Variants in PCDH15 observed in about 807,000 individuals in gnomAD.
PCDH15 encodes the protein protocadherin-15.
Under a neutral mutation model 178.5 loss-of-function variants are expected in PCDH15, and 129 were observed. The ratio of observed to expected loss-of-function variants is 0.72; its 90% CI spans 0.63 to 0.84. The LOEUF (loss-of-function observed/expected upper bound fraction) is 0.84. PCDH15 is among the 40% of genes least tolerant of loss of function. The probability of loss-of-function intolerance (pLI) is 0.00; values close to 1 mark genes in which losing one functional copy is unlikely to be tolerated. For synonymous variants in PCDH15, 800 were observed against 732.0 expected, an observed-to-expected ratio of 1.09 and a Z score of -1.50; for missense variants, 2,230 against 2,099.9, an observed-to-expected ratio of 1.06 and a Z score of -1.21.
chr10:53,901,783 T>C lies in PCDH15; in HGVS notation c.3501+1460A>G, dbSNP rs926163828. Among the ~76,000 whole-genome samples the C allele has an allele frequency of 3.9e-5, 6 of 152,322 alleles. No individual in the cohort carries two copies. In the South Asian group the frequency reaches 1.0e-3, roughly 26 times the overall value. ...TGCTGCTCACTTAAGAATCCATGTC[T>C]TGATCTTTTCCTTTATTCAGGTCAC... On this transcript the variant is annotated intron_variant, in intron 26 of 37. Coordinates refer to ENST00000644397, the MANE Select transcript of PCDH15 (RefSeq NM_001384140.1).
At chr10:54,954,214 C>A (rs1436478553) in intron 2 of PCDH15, among the ~76,000 whole-genome samples, 11 of 151,298 alleles carry the variant, frequency 7.3e-5, no homozygotes, top group Admixed American at 5.9e-4. Flanking sequence ...AATCTCTTGT[C>A]TCCTAAATTA....
rs758547490 is a variant in PCDH15, at chr10:53,822,644, A to G, written c.4368-2414T>C. ...AAGGAGAAAGTTCCAAGGAACACTC[A>G]GCAGGAGAACTGATGACATTAGGTT... On this transcript the variant is annotated intron_variant, in intron 32 of 37. Coordinates refer to ENST00000644397, the MANE Select transcript of PCDH15 (RefSeq NM_001384140.1). 6.2e-7 allele frequency: 1 copy of G among 1,614,146 alleles called. No homozygotes were observed. The highest frequency in any genetic ancestry group is 2.2e-5 in the East Asian group (1 of 44,870).
intron 1 of PCDH15, among the ~76,000 whole-genome samples, chr10:54,696,800 C>T (rs1016997757): frequency 6.6e-6 from 1 of 152,096 alleles, no homozygotes; most frequent in Non-Finnish European, 1.5e-5. Flanking sequence ...ACTTCCATAG[C>T]TATCCTGAAA....
chr10:54,267,539 CAA>C (rs1491467695), intron 8 of PCDH15, among the ~76,000 whole-genome samples: 1 of 151,008 alleles, frequency 6.6e-6, no homozygotes, highest in African/African-American at 2.4e-5. Flanking sequence ...TGATTCTGAC[CAA>C]AGACGCCTAA....
chr10:55,191,026 G>A (rs574298345), intron 1 of PCDH15, among the ~76,000 whole-genome samples: 1 of 151,596 alleles, frequency 6.6e-6, no homozygotes, highest in South Asian at 2.1e-4. Context: ...AAAATATTTG[G>A]GGTTTTTTAA....
At chr10:55,598,698 T>C (rs1371149313) in intron 2 of PCDH15, among the ~76,000 whole-genome samples, 1 of 151,692 alleles carries the variant, frequency 6.6e-6, no homozygotes, top group African/African-American at 2.4e-5. Context: ...GATTTAGTAG[T>C]AAATCAAGAA....
rs1264391272 is a variant in PCDH15 at position 54,236,840 on chromosome 10, AGGATTCCT to A, written c.960_967del (p.Gly321LeufsTer9). 6.2e-7 allele frequency: 1 copy of A among 1,612,516 alleles called. No individual in the cohort carries two copies. Among genetic ancestry groups the A allele is most frequent in the African/African-American group, 1.3e-5 (1 of 74,884 alleles). On this transcript the variant is annotated frameshift_variant, in exon 9 of 38. Coordinates refer to ENST00000644397, the MANE Select transcript of PCDH15 (RefSeq NM_001384140.1). LOFTEE classifies it high-confidence loss of function. ...ATACAAACCAACAAGGATGGAATAG[AGGATTCCT>A]GGCCTATCTGATGGCGGTTGAATAT...
chr10:54,823,039 G>A (rs1325080424), intron 3 of PCDH15, among the ~76,000 whole-genome samples: 8 of 151,804 alleles, frequency 5.3e-5, no homozygotes, highest in South Asian at 2.1e-4. Flanking sequence ...GTGCCACGAC[G>A]TCCAGCTAAT....
At chr10:53,909,851 T>C (rs1387702952) in intron 25 of PCDH15, among the ~76,000 whole-genome samples, 1 of 152,198 alleles carries the variant, frequency 6.6e-6, no homozygotes, top group Non-Finnish European at 1.5e-5. Context: ...ACAAGGAGAC[T>C]ATACCCACAC....
chr10:53,817,855 T>C (rs768228016), intron 34 of PCDH15, 140 bp downstream of exon 34: 1 of 391,352 alleles, frequency 2.6e-6, no homozygotes, highest in Non-Finnish European at 4.5e-6. Flanking sequence ...TAAAAGAAAA[T>C]AAATAGCATA....
intron 2 of PCDH15, among the ~76,000 whole-genome samples, chr10:54,556,478 G>A (rs561500995): frequency 6.6e-6 from 1 of 152,096 alleles, no homozygotes; most frequent in East Asian, 1.9e-4. Context: ...AGCTCAGAAA[G>A]TATATAATGT....
chr10:54,464,962 A>G (rs1429085099), intron 3 of PCDH15, among the ~76,000 whole-genome samples: 1 of 152,150 alleles, frequency 6.6e-6, no homozygotes, highest in Non-Finnish European at 1.5e-5. Flanking sequence ...AAAAAGCAAT[A>G]ACATGCCATG....
At chr10:55,101,204 C>T (rs1842567163) in intron 2 of PCDH15, among the ~76,000 whole-genome samples, 2 of 151,840 alleles carry the variant, frequency 1.3e-5, no homozygotes, top group Non-Finnish European at 2.9e-5. Flanking sequence ...CATCTCAAAA[C>T]CCTGTCTCTA....
chr10:54,662,932 A>G (rs973691273), intron 2 of PCDH15, among the ~76,000 whole-genome samples: 1 of 151,918 alleles, frequency 6.6e-6, no homozygotes, highest in Non-Finnish European at 1.5e-5. Context: ...TTTAAAAATC[A>G]TTTTTAGGCT....
At chr10:54,288,384 T>TA (rs1264387445) in intron 8 of PCDH15, among the ~76,000 whole-genome samples, 7 of 152,100 alleles carry the variant, frequency 4.6e-5, no homozygotes, top group Non-Finnish European at 1.0e-4. Context: ...TGGTAAAATT[T>TA]AGAGACTAGA....
At chr10:53,968,505 G>A (rs1183723521) in intron 21 of PCDH15, among the ~76,000 whole-genome samples, 2 of 152,154 alleles carry the variant, frequency 1.3e-5, no homozygotes, top group Admixed American at 6.5e-5. Context: ...AGAGAGTAGT[G>A]CTTCCCCCAG....
intron 2 of PCDH15, among the ~76,000 whole-genome samples, chr10:54,565,682 T>A (rs2088919667): frequency 6.6e-6 from 1 of 152,206 alleles, no homozygotes; most frequent in South Asian, 2.1e-4. Flanking sequence ...CTGTTTGCAA[T>A]TGTGAAAACT....
intron 8 of PCDH15, among the ~76,000 whole-genome samples, chr10:54,280,818 C>G (rs2058656967): frequency 6.6e-6 from 1 of 151,714 alleles, no homozygotes; most frequent in Non-Finnish European, 1.5e-5. Context: ...CTTTTGCTGG[C>G]CTATAAATAT....
Position 54,954,327 on chromosome 10 carries a change from A to G in PCDH15, c.-79-56827T>C, listed in dbSNP as rs577076716. The stretch of plus-strand genomic sequence containing the variant: ...CTTTCCTTCTGGGCTTTTTGTAATA[A>G]AGTATCATCCATTCTCAAAAAAAAT... On this transcript the variant is annotated intron_variant, in intron 2 of 5. Transcript: ENST00000458638. Among the ~76,000 whole-genome samples the G allele has an allele frequency of 1.3e-4, 20 of 151,328 alleles. 2 individuals are homozygous for G. The South Asian group carries it at 3.9e-3, about 30-fold the overall frequency.
Sources: allele counts gnomAD v4.1 joint callset (sites outside exome capture counted in the v4.1 genomes callset), GRCh38; gene constraint gnomAD v4.1.1; transcripts MANE v1.5; gene names NCBI Gene and HGNC (gene_info 2026-07-23, HGNC 2026-07-21).